The following PAK5 variants were observed in gnomAD, a reference collection of about 807,000 sequenced individuals.
PAK5 encodes the protein serine/threonine-protein kinase PAK 5.
PAK5 carries 16 observed loss-of-function variants against 65.9 expected under a neutral mutation model. The observed-to-expected ratio is 0.24, with a 90% CI of 0.16 to 0.37. The LOEUF (loss-of-function observed/expected upper bound fraction) is 0.37, where lower values mean the gene tolerates loss of function less well. Ranked by LOEUF, PAK5 falls within the 10% of genes least tolerant of loss-of-function variation. The pLI, the probability that PAK5 is intolerant of heterozygous loss-of-function variation, is 1.00. For missense variants in PAK5, 785 were observed against 903.9 expected, an observed-to-expected ratio of 0.87 and a Z score of 1.69; for synonymous variants, 371 against 354.9, an observed-to-expected ratio of 1.05 and a Z score of -0.51.
chr20:9,796,699 T>C (rs141817525), intron 1 of PAK5, among the ~76,000 whole-genome samples: 15 of 152,130 alleles, frequency 9.9e-5, no homozygotes, highest in South Asian at 2.1e-4. Flanking sequence ...CAAGTGACAG[T>C]GGTGGGGCTT....
At chr20:9,766,156 A>T (rs2048755525) in intron 1 of PAK5, among the ~76,000 whole-genome samples, 1 of 151,450 alleles carries the variant, frequency 6.6e-6, no homozygotes, top group Admixed American at 6.6e-5. Flanking sequence ...CGGAAGGCAG[A>T]GGTTGCAGTG....
chr20:9,708,141 G>A (rs1254634325), intron 2 of PAK5, among the ~76,000 whole-genome samples: 1 of 152,102 alleles, frequency 6.6e-6, no homozygotes, highest in Non-Finnish European at 1.5e-5. Flanking sequence ...AATCTAAATA[G>A]TGCCTGCTGA....
chr20:9,642,070 A>G (rs2047076348), intron 3 of PAK5, among the ~76,000 whole-genome samples: 1 of 152,264 alleles, frequency 6.6e-6, no homozygotes, highest in Non-Finnish European at 1.5e-5. Context: ...GGCTCCTCAA[A>G]TGCCACCAAA....
chr20:9,771,789 A>G (rs6056856), intron 1 of PAK5, among the ~76,000 whole-genome samples: 117,351 of 151,822 alleles, frequency 0.77, 45,390 homozygotes, highest in East Asian at 0.87. Flanking sequence ...CTGTAATATC[A>G]ACACTTTGGG....
At chr20:9,827,139 GT>G (rs1390952493) in intron 1 of PAK5, among the ~76,000 whole-genome samples, 4 of 152,150 alleles carry the variant, frequency 2.6e-5, no homozygotes, top group Non-Finnish European at 5.9e-5. Context: ...CAGTATTAGT[GT>G]GAAACTAGTT....
intron 2 of PAK5, among the ~76,000 whole-genome samples, chr20:9,687,133 T>C (rs529542432): frequency 2.6e-5 from 4 of 152,318 alleles, no homozygotes; most frequent in Admixed American, 1.3e-4. Flanking sequence ...ATGCCCAGGC[T>C]GTATAGCTTT....
At chr20:9,782,911 T>G (rs184679863) in intron 1 of PAK5, among the ~76,000 whole-genome samples, 2 of 150,554 alleles carry the variant, frequency 1.3e-5, no homozygotes, top group African/African-American at 4.9e-5. Flanking sequence ...TCTTTTCTTT[T>G]TTCTCTTTCT....
At chr20:9,558,816 A>G (rs1420303647) in intron 6 of PAK5, among the ~76,000 whole-genome samples, 1 of 152,228 alleles carries the variant, frequency 6.6e-6, no homozygotes, top group Non-Finnish European at 1.5e-5. Flanking sequence ...GAAACGAAGC[A>G]AAGCATTGGT....
rs1600358742 is a variant in PAK5 at position 9,774,908 on chromosome 20, A to G, written c.-161-63473T>C. Among the ~76,000 whole-genome samples, 3 of 152,284 alleles carry G rather than the reference A, an allele frequency of 2.0e-5. No homozygotes were observed. The South Asian group carries it at 6.2e-4, about 32-fold the overall frequency. On this transcript the variant is annotated intron_variant, in intron 1 of 9. Coordinates refer to ENST00000353224, the MANE Select transcript of PAK5 (RefSeq NM_177990.4). ...GAGGCGGAGCTTGCAGTGAGCCAAG[A>G]TGGCGCCACCGCACTCCAGCCTGGG...
chr20:9,631,643 C>G (rs1482445741), intron 3 of PAK5, among the ~76,000 whole-genome samples: 2 of 152,186 alleles, frequency 1.3e-5, no homozygotes, highest in African/African-American at 4.8e-5. Context: ...AGACTCTGAA[C>G]TCAGAGAAAC....
chr20:9,771,277 C>A (rs1192507785), intron 1 of PAK5, among the ~76,000 whole-genome samples: 2 of 152,154 alleles, frequency 1.3e-5, no homozygotes, highest in African/African-American at 4.8e-5. Context: ...GTAGGCTGAA[C>A]TATATGAAAT....
chr20:9,757,377 T>G (rs766200693), intron 1 of PAK5, among the ~76,000 whole-genome samples: 1 of 152,246 alleles, frequency 6.6e-6, no homozygotes, highest in South Asian at 2.1e-4. Context: ...CCAAGATAGG[T>G]TGAAAATAAA....
chr20:9,583,979 G>A (rs2046025658), intron 3 of PAK5, among the ~76,000 whole-genome samples: 1 of 152,040 alleles, frequency 6.6e-6, no homozygotes, highest in Non-Finnish European at 1.5e-5. Context: ...TTATTCCATA[G>A]TGTGGAATTC....
At chr20:9,771,669 T>C (rs2048835609) in intron 1 of PAK5, among the ~76,000 whole-genome samples, 1 of 147,312 alleles carries the variant, frequency 6.8e-6, no homozygotes, top group Non-Finnish European at 1.5e-5. Flanking sequence ...AATCCTCCTG[T>C]ATCAGCCTCT....
chr20:9,582,475 T>C (rs138200139), intron 3 of PAK5, among the ~76,000 whole-genome samples: 5 of 152,194 alleles, frequency 3.3e-5, no homozygotes, highest in African/African-American at 4.8e-5. Flanking sequence ...TTTCATCGCA[T>C]AATGTTTAGG....
At chr20:9,548,469 C>T (rs1749553080) in intron 7 of PAK5, among the ~76,000 whole-genome samples, 1 of 151,984 alleles carries the variant, frequency 6.6e-6, no homozygotes, top group African/African-American at 2.4e-5. Context: ...TGCTGGTGCG[C>T]TGCACCCTCT....
intron 1 of PAK5, among the ~76,000 whole-genome samples, chr20:9,831,545 T>C (rs556907573): frequency 3.3e-3 from 498 of 152,358 alleles, no homozygotes; most frequent in Non-Finnish European, 5.5e-3. Flanking sequence ...CCTCACTCTG[T>C]CGCCCAGGCT....
rs1029647321 is a variant in PAK5, at chr20:9,624,539, T to C, written c.204+19586A>G. ...AGGTAACAGAATTTCTTCCAACTTA[T>C]CTGTTTTCTTAAAATTAAGGTTCAT... On this transcript the variant is annotated intron_variant, in intron 3 of 9. Transcript: ENST00000353224. Among the ~76,000 whole-genome samples, 31 of 119,378 alleles carry C rather than the reference T, an allele frequency of 2.6e-4. 1 individual carries two copies. Among genetic ancestry groups the C allele is most frequent in the Middle Eastern group, 7.9e-3 (2 of 252 alleles). The allele number at this position is 119,378 out of a possible 152,430, so 78.3% of individuals were successfully genotyped here.
chr20:9,615,111 G>A (rs1331001610), intron 3 of PAK5, among the ~76,000 whole-genome samples: 1 of 152,144 alleles, frequency 6.6e-6, no homozygotes, highest in Admixed American at 6.5e-5. Context: ...CCAACCACAG[G>A]ACTCACTGGA....
Sources: allele counts gnomAD v4.1 joint callset (sites outside exome capture counted in the v4.1 genomes callset), GRCh38; gene constraint gnomAD v4.1.1; transcripts MANE v1.5; gene names NCBI Gene and HGNC (gene_info 2026-07-23, HGNC 2026-07-21).